The following DIP2C variants were observed in gnomAD, a reference collection of about 807,000 sequenced individuals.
The protein encoded by DIP2C is disco-interacting protein 2 homolog C.
Under a neutral mutation model 192.4 loss-of-function variants are expected in DIP2C, and 33 were observed. The observed-to-expected ratio is 0.17, with a 90% CI of 0.13 to 0.23. DIP2C has a LOEUF of 0.23. Ranked by LOEUF, DIP2C falls within the 10% of genes least tolerant of loss-of-function variation. DIP2C has a pLI of 1.00. For missense variants in DIP2C, 1,537 were observed against 2,110.1 expected (o/e 0.73, Z 5.32); for synonymous variants, 979 against 864.1 (o/e 1.13, Z -2.33).
chr10:337,367 A>T (rs1957877202), intron 29 of DIP2C, among the ~76,000 whole-genome samples: 1 of 121,166 alleles, frequency 8.3e-6, no homozygotes, highest in Non-Finnish European at 1.6e-5. Context: ...TGTGTTGTGG[A>T]GGCCTAGGCA....
intron 3 of DIP2C, among the ~76,000 whole-genome samples, chr10:451,906 A>G (rs1968879527): frequency 6.6e-6 from 1 of 151,120 alleles, no homozygotes; most frequent in Non-Finnish European, 1.5e-5. Context: ...TGCACCATAC[A>G]CAAGTCTGCT....
intron 2 of DIP2C, among the ~76,000 whole-genome samples, chr10:480,662 C>G (rs1213660406): frequency 1.3e-5 from 2 of 151,746 alleles, no homozygotes; most frequent in African/African-American, 4.9e-5. Flanking sequence ...GTAGGCTCAG[C>G]TGCACTCCCT....
chr10:300,533 G>T (rs1463907393), intron 32 of DIP2C, among the ~76,000 whole-genome samples: 4 of 152,150 alleles, frequency 2.6e-5, no homozygotes, highest in African/African-American at 9.7e-5. Flanking sequence ...AATATTAAGT[G>T]CGTGGAGAAA....
intron 1 of DIP2C, among the ~76,000 whole-genome samples, chr10:527,727 A>G (rs1054375575): frequency 6.6e-6 from 1 of 152,246 alleles, no homozygotes; most frequent in African/African-American, 2.4e-5. Flanking sequence ...ATGTTATGAG[A>G]TGAGTGAGAT....
At chr10:573,637 C>T (rs1244694628) in intron 1 of DIP2C, among the ~76,000 whole-genome samples, 1 of 152,130 alleles carries the variant, frequency 6.6e-6, no homozygotes, top group African/African-American at 2.4e-5. Context: ...CTCAAGCTCC[C>T]AGGCTCAAGC....
intron 31 of DIP2C, among the ~76,000 whole-genome samples, chr10:319,978 G>A (rs993974318): frequency 6.6e-5 from 10 of 152,170 alleles, no homozygotes; most frequent in African/African-American, 1.2e-4. Context: ...TATTTTTCCA[G>A]CGTGAATGAC....
chr10:364,650 C>G, intron 19 of DIP2C, 68 bp from the exon 20 acceptor site: 3 of 1,525,464 alleles, frequency 2.0e-6, no homozygotes, highest in Non-Finnish European at 2.7e-6. Flanking sequence ...CGCCGCTACT[C>G]CTGGGAGCAC....
In DIP2C at chr10:327,042, C is replaced by T. The variant is rs757230138; in HGVS notation, c.3888G>A (p.Ser1296=). ...TCGCCAGGTTCACCCTGCAACCGAA[C>T]GAGGTGCTGACGGCCCGCGGGTGAA... ...LGLHPRAVST[S]FGCRVNLAIC... The change falls in exon 31 of 37, where the codon TCG becomes TCA. Residue 1296 remains serine (S), a synonymous_variant. Coordinates refer to ENST00000280886, the MANE Select transcript of DIP2C (RefSeq NM_014974.3). 1.9e-5 allele frequency: 30 copies of T among 1,613,960 alleles called. No homozygotes were observed. The highest frequency in any genetic ancestry group is 2.7e-5 in the African/African-American group (2 of 74,924).
chr10:541,116 TGCTGGGGAGCCACAACACCC>T (rs1459887660), intron 1 of DIP2C, among the ~76,000 whole-genome samples: 1 of 149,544 alleles, frequency 6.7e-6, no homozygotes, highest in African/African-American at 2.5e-5. Flanking sequence ...CAACACCCGA[TGCTGGGGAGCCACAACACCC>T]GATGCTTGGG....
intron 3 of DIP2C, among the ~76,000 whole-genome samples, chr10:453,512 G>A (rs559965591): frequency 3.2e-4 from 49 of 152,364 alleles, no homozygotes; most frequent in African/African-American, 1.1e-3. Flanking sequence ...ACAGAGGGCA[G>A]TGATTGTCTA....
At chr10:616,646 T>C (rs1457775819) in intron 1 of DIP2C, among the ~76,000 whole-genome samples, 1 of 152,116 alleles carries the variant, frequency 6.6e-6, no homozygotes, top group Non-Finnish European at 1.5e-5. Context: ...CACGTGTGCG[T>C]GGAGAGCAGA....
intron 19 of DIP2C, among the ~76,000 whole-genome samples, chr10:365,652 G>T (rs956831023): frequency 2.6e-5 from 4 of 152,218 alleles, no homozygotes; most frequent in Non-Finnish European, 5.9e-5. Context: ...TTGGTAAAAA[G>T]ATAAGAGTTC....
At chr10:583,329 G>T (rs1030689748) in intron 1 of DIP2C, among the ~76,000 whole-genome samples, 1 of 152,208 alleles carries the variant, frequency 6.6e-6, no homozygotes, top group South Asian at 2.1e-4. Flanking sequence ...TAGCTAGTTG[G>T]GAACATTTTT....
chr10:583,557 G>A (rs1284798958), intron 1 of DIP2C, among the ~76,000 whole-genome samples: 3 of 152,334 alleles, frequency 2.0e-5, no homozygotes, highest in Non-Finnish European at 2.9e-5. Context: ...AAAGCACACA[G>A]GTCAGGGCCC....
At chr10:464,098 T>C (rs752282920) in intron 3 of DIP2C, among the ~76,000 whole-genome samples, 1 of 152,016 alleles carries the variant, frequency 6.6e-6, no homozygotes, top group Non-Finnish European at 1.5e-5. Flanking sequence ...AAGACTTCAA[T>C]ACTAAAACAC....
chr10:456,089 A>G (rs1301118099), intron 3 of DIP2C, among the ~76,000 whole-genome samples: 5 of 70,142 alleles, frequency 7.1e-5, no homozygotes, highest in African/African-American at 1.1e-4. Context: ...AATGAGATGA[A>G]AACACTCTGC....
chr10:390,494 G>A (rs534121247), intron 11 of DIP2C, 121 bp from the exon 12 acceptor site: 77 of 1,111,754 alleles, frequency 6.9e-5, no homozygotes, highest in South Asian at 2.2e-4. Context: ...TGGTGTCTCC[G>A]GACTTCACGA....
intron 17 of DIP2C, among the ~76,000 whole-genome samples, chr10:379,990 C>T (rs113777504): frequency 7.3e-5 from 11 of 150,302 alleles, no homozygotes; most frequent in Admixed American, 2.6e-4. Flanking sequence ...ATGGTTAACA[C>T]GCAGAAGAGG....
chr10:470,401 G>C (rs1359114278), intron 3 of DIP2C, among the ~76,000 whole-genome samples: 1 of 152,134 alleles, frequency 6.6e-6, no homozygotes, highest in Non-Finnish European at 1.5e-5. Context: ...CACCCATCCT[G>C]CCACTCTCAG....
Sources: gnomAD v4.1 joint callset for allele counts (sites outside exome capture counted in the v4.1 genomes callset) on GRCh38, gnomAD v4.1.1 for gene constraint, MANE v1.5 for transcripts, NCBI Gene and HGNC (gene_info 2026-07-23, HGNC 2026-07-21) for gene names.